The following IQSEC1 variants were observed in gnomAD, a reference collection of about 807,000 sequenced individuals.
IQSEC1 encodes IQ motif and Sec7 domain ArfGEF 1.
A neutral mutation model predicts 91.0 loss-of-function variants in IQSEC1; 31 were observed. That is an observed-to-expected ratio of 0.34 (90% confidence interval 0.26 to 0.46). IQSEC1 has a LOEUF of 0.46. IQSEC1 is among the 20% of genes least tolerant of loss of function. The probability of loss-of-function intolerance (pLI) is 1.00; values close to 1 mark genes in which losing one functional copy is unlikely to be tolerated. For missense variants in IQSEC1, 1,388 were observed against 1,575.6 expected, an observed-to-expected ratio of 0.88 and a Z score of 2.02; for synonymous variants, 699 against 662.6, an observed-to-expected ratio of 1.05 and a Z score of -0.84.
rs79706660 is a variant in IQSEC1 at position 13,086,666 on chromosome 3, C to T, written c.303-39144G>A. 1.7e-3 allele frequency among the ~76,000 whole-genome samples: 252 copies of T among 152,306 alleles called. 1 individual carries two copies. Among genetic ancestry groups the T allele is most frequent in the African/African-American group, 5.9e-3 (246 of 41,566 alleles). On this transcript the variant is annotated intron_variant, in intron 2 of 15. Coordinates refer to the IQSEC1 transcript ENST00000648114. ...TGCCTGCTCCCTTCCATGAGAGCCT[C>T]GTTCCTGCCTCAGGGCCTTTGCATC...
At chr3:13,097,988 G>A (rs999502959) in intron 2 of IQSEC1, among the ~76,000 whole-genome samples, 2 of 152,226 alleles carry the variant, frequency 1.3e-5, no homozygotes, top group Non-Finnish European at 2.9e-5. Flanking sequence ...CCCTGGGCAT[G>A]TGAGGGCTTC....
At chr3:13,189,664 C>T (rs1240908676) in intron 1 of IQSEC1, among the ~76,000 whole-genome samples, 1 of 152,198 alleles carries the variant, frequency 6.6e-6, no homozygotes, top group Non-Finnish European at 1.5e-5. Flanking sequence ...CCCAGTGCCC[C>T]CAGCCCTGAT....
chr3:13,152,682 C>T (rs1232680177), intron 2 of IQSEC1, among the ~76,000 whole-genome samples: 7 of 152,190 alleles, frequency 4.6e-5, no homozygotes, highest in African/African-American at 1.2e-4. Flanking sequence ...ACCAGCCTGG[C>T]CAACATCGTG....
intron 1 of IQSEC1, among the ~76,000 whole-genome samples, chr3:13,260,093 G>T (rs192394787): frequency 9.3e-4 from 142 of 152,344 alleles, no homozygotes; most frequent in African/African-American, 3.0e-3. Context: ...ACAGTGCCTT[G>T]CAGGGCTGGA....
rs1162400467 is a variant in IQSEC1 at position 13,183,547 on chromosome 3, C to G, written c.273-19414G>C. On this transcript the variant is annotated intron_variant, in intron 1 of 15. Transcript: ENST00000648114. ...TACCACTGCACTCCAGCCTGGGCAA[C>G]ATAGCAAGATTCCATCTCAAACAAA... Among the ~76,000 whole-genome samples the G allele has an allele frequency of 2.6e-5, 4 of 151,808 alleles. No individual in the cohort carries two copies. In the East Asian group the frequency reaches 7.7e-4, roughly 29 times the overall value.
chr3:12,936,442 G>A lies in IQSEC1; in HGVS notation c.574C>T (p.Leu192=). ...QVSVTNDGSQ[L]GALVSPECGD... ...CACTCAGGGGACACCAGGGCTCCCA[G>A]CTGGGAGCCGTCGTTAGTCACTGAG... Residue 192 remains leucine, a synonymous_variant, in exon 3 of 14, where the codon CTG becomes TTG. Transcript: ENST00000613206. 1 of 1,605,132 alleles carries A rather than the reference G, an allele frequency of 6.2e-7. No individual in the cohort carries two copies. Among genetic ancestry groups the A allele is most frequent in the South Asian group, 1.1e-5 (1 of 90,610 alleles).
intron 2 of IQSEC1, among the ~76,000 whole-genome samples, chr3:13,098,492 A>G (rs996202911): frequency 6.6e-6 from 1 of 152,210 alleles, no homozygotes; most frequent in Non-Finnish European, 1.5e-5. Context: ...GCCAGTAAGA[A>G]TCAGGAGGGT....
intron 2 of IQSEC1, among the ~76,000 whole-genome samples, chr3:13,131,526 A>T (rs165439): frequency 7.4e-6 from 1 of 135,188 alleles, no homozygotes; most frequent in Non-Finnish European, 1.6e-5. Context: ...TCACTTTGTC[A>T]CCCAGACTGG....
chr3:13,088,924 G>A (rs747001303), intron 2 of IQSEC1, among the ~76,000 whole-genome samples: 1 of 152,220 alleles, frequency 6.6e-6, no homozygotes, highest in African/African-American at 2.4e-5. Context: ...CAGATCCTAG[G>A]GACATCTGAA....
intron 1 of IQSEC1, chr3:12,995,233 G>A (rs1345701713): frequency 6.6e-6 from 1 of 152,400 alleles, no homozygotes; most frequent in Non-Finnish European, 1.5e-5. Context: ...CATGAGTCAG[G>A]AGACCCGGCT....
chr3:13,264,006 A>G (rs1156976597), intron 1 of IQSEC1, among the ~76,000 whole-genome samples: 1 of 152,214 alleles, frequency 6.6e-6, no homozygotes, highest in Non-Finnish European at 1.5e-5. Flanking sequence ...ACAAGCCAGC[A>G]CCACACAGGC....
At chr3:13,071,869 A>G (rs1705444382) in intron 1 of IQSEC1, among the ~76,000 whole-genome samples, 1 of 150,826 alleles carries the variant, frequency 6.6e-6, no homozygotes, top group Admixed American at 6.6e-5. Context: ...CATCCCCCGA[A>G]CCAGAGGCCA....
At chr3:12,912,897 C>T (rs1417209563) in intron 9 of IQSEC1, among the ~76,000 whole-genome samples, 1 of 152,184 alleles carries the variant, frequency 6.6e-6, no homozygotes, top group Non-Finnish European at 1.5e-5. Flanking sequence ...ATAGGTCTTG[C>T]AGGGACCAGC....
At chr3:13,231,006 G>C (rs1024855676) in intron 1 of IQSEC1, among the ~76,000 whole-genome samples, 1 of 152,138 alleles carries the variant, frequency 6.6e-6, no homozygotes, top group Non-Finnish European at 1.5e-5. Flanking sequence ...TTGGGGCACT[G>C]TCCCCTTAAA....
intron 9 of IQSEC1, among the ~76,000 whole-genome samples, chr3:12,912,657 C>T (rs1559612625): frequency 1.7e-5 from 2 of 119,942 alleles, no homozygotes; most frequent in South Asian, 2.7e-4. Flanking sequence ...GGCGACAGAG[C>T]GAGACTCCGT....
chr3:12,965,066 C>T (rs370123865), intron 1 of IQSEC1, among the ~76,000 whole-genome samples: 17 of 152,296 alleles, frequency 1.1e-4, no homozygotes, highest in African/African-American at 4.1e-4. Context: ...CAGAGGCCTC[C>T]ATCACAACAT....
chr3:12,898,999 C>A lies in IQSEC1; in HGVS notation c.*1984G>T, dbSNP rs975006718. 1 of 231,882 alleles carries A rather than the reference C, an allele frequency of 4.3e-6. No homozygotes were observed. The highest frequency in any genetic ancestry group is 6.0e-5 in the South Asian group (1 of 16,560). 14.4% of individuals were successfully genotyped at this position (231,882 alleles called of 1,614,324 possible). ...CATGCTGTTTCTTTCTGAGCAGACACCAAAGAAATGCCACGCCAATGGGAG... is the reference window on the plus strand; with the variant it reads ...CATGCTGTTTCTTTCTGAGCAGACAACAAAGAAATGCCACGCCAATGGGAG... On this transcript the variant is annotated 3_prime_UTR_variant, in exon 14 of 14. Coordinates refer to ENST00000613206, the MANE Select transcript of IQSEC1 (RefSeq NM_001134382.3).
intron 1 of IQSEC1, among the ~76,000 whole-genome samples, chr3:13,030,126 C>G (rs1295286336): frequency 6.6e-6 from 1 of 152,228 alleles, no homozygotes; most frequent in African/African-American, 2.4e-5. Flanking sequence ...TTTATACAGT[C>G]TAACTCTGTC....
At chr3:12,986,907 G>C in intron 1 of IQSEC1, 1 of 319,962 alleles carries the variant, frequency 3.1e-6, no homozygotes, top group South Asian at 2.2e-5. Context: ...GCTTGGGAGG[G>C]GACATTTTAT....
Sources: gnomAD v4.1 joint callset for allele counts (sites outside exome capture counted in the v4.1 genomes callset) on GRCh38, gnomAD v4.1.1 for gene constraint, MANE v1.5 for transcripts, NCBI Gene and HGNC (gene_info 2026-07-23, HGNC 2026-07-21) for gene names.